Variants in WDR49 observed in about 807,000 individuals in gnomAD.
WDR49 encodes cilia- and flagella-associated protein 337.
A neutral mutation model predicts 119.5 loss-of-function variants in WDR49; 107 were observed. That is an observed-to-expected ratio of 0.90 (90% CI 0.77 to 1.05). The LOEUF (loss-of-function observed/expected upper bound fraction) is 1.05. Among genes scored for constraint, WDR49 ranks in the 50% least tolerant of loss-of-function variants. WDR49 has a pLI of 0.00. For synonymous variants in WDR49, 425 were observed against 418.8 expected, an observed-to-expected ratio of 1.01 and a Z score of -0.18; for missense variants, 1,240 against 1,220.5, an observed-to-expected ratio of 1.02 and a Z score of -0.24.
intron 2 of WDR49, among the ~76,000 whole-genome samples, chr3:167,645,844 T>C (rs1333935639): frequency 6.6e-6 from 1 of 152,202 alleles, no homozygotes; most frequent in African/African-American, 2.4e-5. Context: ...AAACAAATAA[T>C]GGCATTGCGT....
At chr3:167,529,371 C>A in intron 13 of WDR49, 132 bp from the exon 14 acceptor site, 1 of 721,736 alleles carries the variant, frequency 1.4e-6, no homozygotes, top group East Asian at 2.9e-5. Context: ...TTCCCAGCAC[C>A]ACTTTAATTT....
chr3:167,517,673 G>A lies in WDR49; in HGVS notation c.2774+4642C>T, dbSNP rs1752269326. 2.7e-5 allele frequency among the ~76,000 whole-genome samples: 4 copies of A among 150,096 alleles called. No individual in the cohort carries two copies. In the South Asian group the frequency reaches 8.4e-4, roughly 32 times the overall value. On this transcript the variant is annotated intron_variant, in intron 16 of 18. Transcript: ENST00000682715. ...AATGAAACTAAAAATTGACCAATGAGATATTTTTTTTTTCCGTTTTTAACC... is the reference window on the plus strand; with the variant it reads ...AATGAAACTAAAAATTGACCAATGAAATATTTTTTTTTTCCGTTTTTAACC...
chr3:167,531,162 A>C lies in WDR49; in HGVS notation c.2171T>G (p.Val724Gly). The stretch of plus-strand genomic sequence containing the variant: ...TGCTTTAAGAAAGCAAAGTCTCATA[A>C]CAGCATTTTTGCCCTCAGTGTCAAT... ...FEIDTEGKNA[V>G]MRLCFLKARK... Residue 724 changes from valine (V) to glycine (G), a missense_variant, in exon 13 of 19, where the codon GTT becomes GGT. Coordinates refer to ENST00000682715, the MANE Select transcript of WDR49 (RefSeq NM_001366157.1). 1.2e-6 allele frequency: 2 copies of C among 1,612,474 alleles called. No individual in the cohort carries two copies. The highest frequency in any genetic ancestry group is 1.7e-6 in the Non-Finnish European group (2 of 1,179,524).
intron 5 of WDR49, among the ~76,000 whole-genome samples, chr3:167,606,997 T>G (rs1311501223): frequency 1.3e-5 from 2 of 152,090 alleles, no homozygotes; most frequent in Non-Finnish European, 2.9e-5. Context: ...TGTAAAAATA[T>G]GATTGGAAAA....
At chr3:167,567,982 A>G (rs1457599296) in intron 8 of WDR49, among the ~76,000 whole-genome samples, 1 of 152,216 alleles carries the variant, frequency 6.6e-6, no homozygotes, top group Admixed American at 6.5e-5. Context: ...GCAGCTTTAT[A>G]GACAAGTGCT....
At chr3:167,492,737 T>C (rs541314143) in intron 18 of WDR49, among the ~76,000 whole-genome samples, 2 of 152,318 alleles carry the variant, frequency 1.3e-5, no homozygotes, top group South Asian at 2.1e-4. Context: ...GAACCTTGTT[T>C]TGAAACCAGT....
chr3:167,536,712 C>CATATATATATATATATACACACACAT (rs1753045579), intron 11 of WDR49, among the ~76,000 whole-genome samples, 158 bp downstream of exon 11: 2 of 136,896 alleles, frequency 1.5e-5, no homozygotes, highest in African/African-American at 2.7e-5. Flanking sequence ...TATACACACA[C>CATATATATATATATATACACACACAT]ATATATATAT....
At chr3:167,646,857 T>C (rs1577299773) in intron 2 of WDR49, among the ~76,000 whole-genome samples, 3 of 152,022 alleles carry the variant, frequency 2.0e-5, no homozygotes, top group Admixed American at 6.6e-5. Flanking sequence ...GTCACATCCA[T>C]AGAACGTTGG....
At chr3:167,624,797 C>T (rs1717052039) in intron 3 of WDR49, among the ~76,000 whole-genome samples, 2 of 152,000 alleles carry the variant, frequency 1.3e-5, no homozygotes, top group South Asian at 4.1e-4. Flanking sequence ...AAAAAATCAT[C>T]TGGACTAGAA....
intron 10 of WDR49, among the ~76,000 whole-genome samples, chr3:167,541,233 G>A (rs574321038): frequency 1.5e-4 from 23 of 152,096 alleles, no homozygotes; most frequent in Admixed American, 6.6e-4. Flanking sequence ...AAAGATCATC[G>A]CCCAGGCACA....
Position 167,604,475 on chromosome 3 carries a change from A to C in WDR49, c.959-7T>G, listed in dbSNP as rs1012876712. ...AAAGATGCATTGTAAGTAACTGATA[A>C]AAAATTAAAAAGAGAAAAACAATCT... On this transcript the variant is annotated splice_region_variant and splice_polypyrimidine_tract_variant and intron_variant, in intron 5 of 18. Transcript: ENST00000682715. The C allele has an allele frequency of 1.3e-6, 2 of 1,583,316 alleles. No homozygotes were observed. The highest frequency in any genetic ancestry group is 2.7e-5 in the African/African-American group (2 of 73,210).
chr3:167,614,712 A>G (rs528284886), intron 5 of WDR49, among the ~76,000 whole-genome samples: 1 of 152,292 alleles, frequency 6.6e-6, no homozygotes, highest in Non-Finnish European at 1.5e-5. Context: ...TTCCTTTGAC[A>G]TTTCATTTTT....
At chr3:167,522,222 A>G (rs1229454341) in intron 16 of WDR49, 93 bp downstream of exon 16, 2 of 1,295,252 alleles carry the variant, frequency 1.5e-6, no homozygotes, top group Admixed American at 5.8e-5. Context: ...GTCATTGAAC[A>G]TTCCACAGAG....
chr3:167,513,244 C>G (rs371985566), intron 16 of WDR49, among the ~76,000 whole-genome samples: 2 of 152,152 alleles, frequency 1.3e-5, no homozygotes, highest in East Asian at 1.9e-4. Context: ...ATCAGACTGA[C>G]AGCGGACCTC....
chr3:167,645,364 T>C (rs375673596), intron 2 of WDR49, among the ~76,000 whole-genome samples: 1 of 151,972 alleles, frequency 6.6e-6, no homozygotes, highest in South Asian at 2.1e-4. Context: ...ACACCTGCCA[T>C]AATGCCTGGC....
intron 7 of WDR49, among the ~76,000 whole-genome samples, chr3:167,582,502 AT>A (rs200199350): frequency 5.3e-5 from 8 of 151,248 alleles, no homozygotes; most frequent in Admixed American, 1.3e-4. Flanking sequence ...TAGTTATACT[AT>A]TTTTTTTTAG....
intron 7 of WDR49, among the ~76,000 whole-genome samples, chr3:167,591,428 C>A (rs1715100486): frequency 6.6e-6 from 1 of 151,972 alleles, no homozygotes; most frequent in African/African-American, 2.4e-5. Context: ...TCCATTTCTT[C>A]TATAGTGCAA....
At chr3:167,547,402 T>G (rs894842514) in intron 10 of WDR49, among the ~76,000 whole-genome samples, 5 of 151,752 alleles carry the variant, frequency 3.3e-5, no homozygotes, top group Non-Finnish European at 7.4e-5. Flanking sequence ...TCTGTTTTTT[T>G]ATGAATAGAA....
At chr3:167,554,380 C>T (rs1712789415) in intron 10 of WDR49, among the ~76,000 whole-genome samples, 1 of 152,148 alleles carries the variant, frequency 6.6e-6, no homozygotes, top group Non-Finnish European at 1.5e-5. Context: ...ATTTGGGAAA[C>T]TTTTGGAACC....
Sources: gnomAD v4.1 joint callset for allele counts (sites outside exome capture counted in the v4.1 genomes callset) on GRCh38, gnomAD v4.1.1 for gene constraint, MANE v1.5 for transcripts, NCBI Gene and HGNC (gene_info 2026-07-23, HGNC 2026-07-21) for gene names.